SH3GL3: variants seen among roughly 807,000 people sequenced by gnomAD.
SH3GL3 encodes endophilin-A3.
Under a neutral mutation model 47.7 loss-of-function variants are expected in SH3GL3, and 33 were observed. The observed-to-expected ratio is 0.69, with a 90% CI of 0.52 to 0.92. The LOEUF is 0.92. SH3GL3 is among the 40% of genes least tolerant of loss of function. The pLI, the probability that SH3GL3 is intolerant of heterozygous loss-of-function variation, is 0.00. For synonymous variants in SH3GL3, 155 were observed against 148.8 expected (o/e 1.04, Z -0.30); for missense variants, 363 against 417.8 (o/e 0.87, Z 1.14).
chr15:83,600,534 GT>G (rs2151828465), intron 8 of SH3GL3, among the ~76,000 whole-genome samples: 1 of 152,252 alleles, frequency 6.6e-6, no homozygotes, highest in Admixed American at 6.5e-5. Flanking sequence ...TCTCTGTTCT[GT>G]TCCATTGGTC....
At chr15:83,506,539 T>C (rs1024254509) in intron 1 of SH3GL3, among the ~76,000 whole-genome samples, 1 of 152,172 alleles carries the variant, frequency 6.6e-6, no homozygotes. Flanking sequence ...GTCCTGACAT[T>C]TTTTACATTT....
chr15:83,462,550 A>G (rs2040355672), intron 1 of SH3GL3, among the ~76,000 whole-genome samples: 1 of 152,180 alleles, frequency 6.6e-6, no homozygotes, highest in Non-Finnish European at 1.5e-5. Flanking sequence ...AGTCTTACCC[A>G]GTTTCTCCAT....
At chr15:83,519,761 T>G (rs566821209) in intron 1 of SH3GL3, among the ~76,000 whole-genome samples, 1 of 152,218 alleles carries the variant, frequency 6.6e-6, no homozygotes, top group Non-Finnish European at 1.5e-5. Context: ...AGTTTATCCT[T>G]CTTTTCCGTA....
intron 1 of SH3GL3, among the ~76,000 whole-genome samples, chr15:83,470,543 T>C (rs532448639): frequency 6.6e-6 from 1 of 152,310 alleles, no homozygotes; most frequent in Non-Finnish European, 1.5e-5. Flanking sequence ...TTGTTTTTTA[T>C]AGACAGCATA....
intron 1 of SH3GL3, among the ~76,000 whole-genome samples, chr15:83,513,419 A>G (rs2042851541): frequency 6.6e-6 from 1 of 152,128 alleles, no homozygotes; most frequent in African/African-American, 2.4e-5. Context: ...TCCACTGTTG[A>G]GCCACACTGG....
chr15:83,632,719 C>G, the SH3GL3 span, among the ~76,000 whole-genome samples: 2 of 152,098 alleles, frequency 1.3e-5, no homozygotes, highest in Non-Finnish European at 2.9e-5. Flanking sequence ...GGGTAAGCAC[C>G]CCCATGATTC....
At chr15:83,610,913 A>G (rs188146391) in intron 8 of SH3GL3, among the ~76,000 whole-genome samples, 1 of 152,162 alleles carries the variant, frequency 6.6e-6, no homozygotes, top group East Asian at 1.9e-4. Flanking sequence ...CTCTACCTTA[A>G]TAAAATGTGC....
chr15:83,573,909 A>G (rs1364885089), intron 5 of SH3GL3, among the ~76,000 whole-genome samples: 2 of 152,226 alleles, frequency 1.3e-5, no homozygotes, highest in African/African-American at 2.4e-5. Context: ...AACAGATACC[A>G]TGCACTTTGA....
intron 1 of SH3GL3, among the ~76,000 whole-genome samples, chr15:83,485,878 T>C (rs2041573286): frequency 6.6e-6 from 1 of 152,204 alleles, no homozygotes; most frequent in East Asian, 1.9e-4. Flanking sequence ...TACAGAAAAC[T>C]AAAGAGAAAA....
chr15:83,595,076 C>T (rs1055873354), intron 8 of SH3GL3, among the ~76,000 whole-genome samples: 4 of 152,150 alleles, frequency 2.6e-5, no homozygotes, highest in Non-Finnish European at 5.9e-5. Context: ...GCACTATTCA[C>T]AATAGCAAAG....
At chr15:83,624,701 G>T in the SH3GL3 span, among the ~76,000 whole-genome samples, 1 of 152,188 alleles carries the variant, frequency 6.6e-6, no homozygotes, top group East Asian at 1.9e-4. Context: ...AAATATCTGG[G>T]ATGTTAAGGC....
intron 1 of SH3GL3, chr15:83,489,146 C>T (rs1021241511): frequency 2.6e-5 from 4 of 152,154 alleles, no homozygotes; most frequent in Non-Finnish European, 4.4e-5. Context: ...TTTCTTCTGA[C>T]GGCATTCTGA....
chr15:83,601,509 C>T (rs749337001), intron 8 of SH3GL3, among the ~76,000 whole-genome samples: 5 of 152,078 alleles, frequency 3.3e-5, no homozygotes, highest in African/African-American at 9.7e-5. Context: ...TATTGACTTG[C>T]GTATGTTAAA....
chr15:83,588,588 C>A lies in SH3GL3; in HGVS notation c.729-74C>A, dbSNP rs115657384. 1,837 of 934,110 alleles carry A rather than the reference C, an allele frequency of 2.0e-3. 23 individuals carry two copies. In the African/African-American group the frequency reaches 0.025, roughly 13 times the overall value. The allele number at this position is 934,110 out of a possible 1,614,324, so 57.9% of individuals were successfully genotyped here. On this transcript the variant is annotated intron_variant, in intron 7 of 8. Coordinates refer to ENST00000427482, the MANE Select transcript of SH3GL3 (RefSeq NM_003027.5). ...CTGTAACCTAAGTTCCTGTGCTCAA[C>A]AAGGCAGAGAGGATGTGTGTTTGGA...
chr15:83,628,904 A>C, the SH3GL3 span, among the ~76,000 whole-genome samples: 1 of 152,228 alleles, frequency 6.6e-6, no homozygotes, highest in African/African-American at 2.4e-5. Context: ...ATGGGATAGA[A>C]AGTCAACATA....
chr15:83,631,790 A>G, the SH3GL3 span, among the ~76,000 whole-genome samples: 9 of 152,300 alleles, frequency 5.9e-5, no homozygotes, highest in African/African-American at 2.2e-4. Context: ...AGGGGCTGCC[A>G]TGAAGGTCTC....
intron 1 of SH3GL3, among the ~76,000 whole-genome samples, chr15:83,503,063 C>T (rs533162955): frequency 3.5e-4 from 53 of 152,246 alleles, no homozygotes; most frequent in Admixed American, 1.6e-3. Flanking sequence ...ATTTATTTCA[C>T]ACCTCTTGAT....
At chr15:83,469,146 T>G (rs2151527003) in intron 1 of SH3GL3, among the ~76,000 whole-genome samples, 1 of 152,274 alleles carries the variant, frequency 6.6e-6, no homozygotes, top group Non-Finnish European at 1.5e-5. Context: ...CTTATTATTG[T>G]TTTGTTGTCT....
At chr15:83,569,596 A>G (rs1434608908) in intron 4 of SH3GL3, among the ~76,000 whole-genome samples, 1 of 152,186 alleles carries the variant, frequency 6.6e-6, no homozygotes, top group Non-Finnish European at 1.5e-5. Context: ...TACCCTTCAG[A>G]AGGGTTACAC....
Sources: gnomAD v4.1 joint callset for allele counts (sites outside exome capture counted in the v4.1 genomes callset) on GRCh38, gnomAD v4.1.1 for gene constraint, MANE v1.5 for transcripts, NCBI Gene and HGNC (gene_info 2026-07-23, HGNC 2026-07-21) for gene names.